The following TOP2B variants were observed in gnomAD, a reference collection of about 807,000 sequenced individuals.
TOP2B encodes the protein DNA topoisomerase II beta.
A neutral mutation model predicts 193.5 loss-of-function variants in TOP2B; 51 were observed. The observed-to-expected ratio is 0.26, with a 90% CI of 0.21 to 0.33. The LOEUF is 0.33. Ranked by LOEUF, TOP2B falls within the 10% of genes least tolerant of loss-of-function variation. The probability of loss-of-function intolerance (pLI) is 1.00; values close to 1 mark genes in which losing one functional copy is unlikely to be tolerated. For synonymous variants in TOP2B, 634 were observed against 635.7 expected, an observed-to-expected ratio of 1.00 and a Z score of 0.04; for missense variants, 1,378 against 1,909.3, an observed-to-expected ratio of 0.72 and a Z score of 5.19.
At position 25,630,165 on chromosome 3, in the gene TOP2B, A is replaced by G; in HGVS notation, c.1564-11T>C. 1 of 1,538,932 alleles carries G rather than the reference A, an allele frequency of 6.5e-7. No individual in the cohort carries two copies. The highest frequency in any genetic ancestry group is 8.7e-7 in the Non-Finnish European group (1 of 1,144,266). On this transcript the variant is annotated splice_polypyrimidine_tract_variant and intron_variant, in intron 12 of 35. Coordinates refer to ENST00000264331, the MANE Select transcript of TOP2B (RefSeq NM_001330700.2). ...AGCATTTTCCATGATCTGTTCAAAA[A>G]GGAAAAGCACTGAGAGTAGTTTGAA...
chr3:25,598,144 CTGTATG>C lies in TOP2B; in HGVS notation c.*157_*162del, dbSNP rs1246558736. 3.0e-6 allele frequency: 2 copies of C among 656,716 alleles called. No individual in the cohort carries two copies. The highest frequency in any genetic ancestry group is 2.4e-5 in the South Asian group (1 of 41,068). 40.7% of individuals were successfully genotyped at this position (656,716 alleles called of 1,614,324 possible). On this transcript the variant is annotated 3_prime_UTR_variant, in exon 36 of 36. Transcript: ENST00000264331. ...TCAATGAGTAAAAAAGAGCATAAAA[CTGTATG>C]TGTAAGAACAAAATGTTAAAAGGCC...
At chr3:25,664,202 C>A in intron 1 of TOP2B, 27 bp downstream of exon 1, 1 of 1,538,792 alleles carries the variant, frequency 6.5e-7, no homozygotes, top group Non-Finnish European at 8.7e-7. Context: ...ACAATGCAGC[C>A]GCCCGTCCCG....
At position 25,618,699 on chromosome 3, in the gene TOP2B, G is replaced by A. The variant is rs1702577622; in HGVS notation, c.3214C>T (p.Gln1072Ter). 1 of 1,613,170 alleles carries A rather than the reference G, an allele frequency of 6.2e-7. No homozygotes were observed. The highest frequency in any genetic ancestry group is 8.5e-7 in the Non-Finnish European group (1 of 1,179,574). ...ATCTTCTCTAAAATGAAACGGGCTTGATTGTTAAGCTTTGTAGATTCTGCT... is the reference window on the plus strand; with the variant it reads ...ATCTTCTCTAAAATGAAACGGGCTTAATTGTTAAGCTTTGTAGATTCTGCT... ...LGAESTKLNN[Q>*]ARFILEKIQG... is the part of the protein sequence containing the mutation. Residue 1072 changes from glutamine to a stop codon, truncating the protein, a stop_gained, in exon 24 of 36, where the codon CAA becomes TAA. Coordinates refer to ENST00000264331, the MANE Select transcript of TOP2B (RefSeq NM_001330700.2). LOFTEE classifies it high-confidence loss of function.
In TOP2B at chr3:25,632,595, A is replaced by G. The variant is rs1258582336; in HGVS notation, c.1129-12T>C. On this transcript the variant is annotated splice_polypyrimidine_tract_variant and intron_variant, in intron 9 of 35. Coordinates refer to ENST00000264331, the MANE Select transcript of TOP2B (RefSeq NM_001330700.2). ...ATATGGTTTTTTACCTGTTGAAAAC[A>G]TACCCAAAAAAGTCAATATCAGAGC... is the stretch of plus-strand genomic sequence containing the variant. 1.2e-6 allele frequency: 2 copies of G among 1,600,346 alleles called. No homozygotes were observed. Among genetic ancestry groups the G allele is most frequent in the Non-Finnish European group, 1.7e-6 (2 of 1,176,364 alleles).
chr3:25,630,012 G>T lies in TOP2B; in HGVS notation c.1689+17C>A, dbSNP rs1371430613. 3 of 1,566,366 alleles carry T rather than the reference G, an allele frequency of 1.9e-6. No homozygotes were observed. Among genetic ancestry groups the T allele is most frequent in the Non-Finnish European group, 8.6e-7 (1 of 1,160,464 alleles). ...AGAAGACATGAATTTGAAATATGTG[G>T]TAACTTTAAAACCAACCTGATCGGT... is the stretch of plus-strand genomic sequence containing the variant. On this transcript the variant is annotated intron_variant, in intron 13 of 35. Coordinates refer to ENST00000264331, the MANE Select transcript of TOP2B (RefSeq NM_001330700.2).
At chr3:25,640,815 T>C (rs569272444) in intron 4 of TOP2B, among the ~76,000 whole-genome samples, 109 of 146,674 alleles carry the variant, frequency 7.4e-4, no homozygotes, top group African/African-American at 2.4e-3. Context: ...TAGAGTACAG[T>C]GGCACAATCA....
In TOP2B at chr3:25,628,943, T is replaced by G. The variant is rs756336705; in HGVS notation, c.1810A>C (p.Asn604His). The G allele has an allele frequency of 5.8e-5, 93 of 1,598,122 alleles. No homozygotes were observed. In the Admixed American group the frequency reaches 1.6e-3, roughly 27 times the overall value. ...FITPIVKASK[N>H]KQELSFYSIP... Reference sequence around the variant, plus strand: ...CTGTAGAAGGAAAGTTCCTGCTTATTTTTGCTTGCCTTAAATTAATTAAAA... The same window carrying G: ...CTGTAGAAGGAAAGTTCCTGCTTATGTTTGCTTGCCTTAAATTAATTAAAA... Residue 604 changes from asparagine (N) to histidine (H), a missense_variant, in exon 15 of 36, where the codon AAT (asparagine) becomes CAT (histidine). Physicochemically the swap from Asn to His is moderately conservative, Grantham distance 68. This residue lies in a region of TOP2B where 379 missense variants were observed against 615.1 expected (regional missense o/e 0.62). Transcript: ENST00000264331.
At chr3:25,653,935 T>C (rs1016780130) in intron 1 of TOP2B, among the ~76,000 whole-genome samples, 5 of 151,852 alleles carry the variant, frequency 3.3e-5, no homozygotes, top group Admixed American at 3.3e-4. Context: ...CATAACAAAC[T>C]AGAAATAGAA....
At chr3:25,609,416 T>A (rs1702314169) in intron 29 of TOP2B, 72 bp from the exon 30 acceptor site, 13 of 1,468,680 alleles carry the variant, frequency 8.9e-6, no homozygotes, top group East Asian at 7.4e-5. Context: ...ATAAAATTGT[T>A]ATAATGAAAA....
chr3:25,610,636 C>CA (rs1436724416), intron 28 of TOP2B, among the ~76,000 whole-genome samples: 1 of 152,194 alleles, frequency 6.6e-6, no homozygotes, highest in Non-Finnish European at 1.5e-5. Context: ...CACACAGAGG[C>CA]ATACAGGTGC....
intron 21 of TOP2B, among the ~76,000 whole-genome samples, chr3:25,621,037 G>C (rs1702645622): frequency 1.3e-5 from 2 of 151,974 alleles, no homozygotes; most frequent in Admixed American, 6.6e-5. Flanking sequence ...AGTCTTCCTA[G>C]AACAGTACTT....
At chr3:25,654,573 C>CA (rs1021295928) in intron 1 of TOP2B, among the ~76,000 whole-genome samples, 94 of 150,910 alleles carry the variant, frequency 6.2e-4, no homozygotes, top group African/African-American at 2.1e-3. Context: ...TGCAGAAATA[C>CA]AAAAAAAAAT....
At chr3:25,601,436 C>T (rs865927526) in intron 33 of TOP2B, among the ~76,000 whole-genome samples, 1 of 152,012 alleles carries the variant, frequency 6.6e-6, no homozygotes, top group Admixed American at 6.6e-5. Context: ...CTGGCCAATA[C>T]GGTAAAACCC....
At chr3:25,608,522 G>A (rs1349309467) in intron 30 of TOP2B, among the ~76,000 whole-genome samples, 1 of 152,084 alleles carries the variant, frequency 6.6e-6, no homozygotes, top group Non-Finnish European at 1.5e-5. Flanking sequence ...TTTAAGGTCT[G>A]ATATATAATT....
chr3:25,641,954 T>A (rs962291384), intron 4 of TOP2B, among the ~76,000 whole-genome samples: 3 of 152,088 alleles, frequency 2.0e-5, no homozygotes, highest in Admixed American at 6.5e-5. Context: ...ATGTCATAAA[T>A]AATGGAAAAC....
chr3:25,620,625 G>GA (rs1702633649), intron 22 of TOP2B, 57 bp downstream of exon 22: 36 of 1,546,552 alleles, frequency 2.3e-5, no homozygotes, highest in Non-Finnish European at 3.1e-5. Context: ...ATCCTTACCA[G>GA]AAAAAATTGC....
chr3:25,648,905 T>C (rs987633535), intron 1 of TOP2B, among the ~76,000 whole-genome samples: 12 of 151,798 alleles, frequency 7.9e-5, no homozygotes, highest in Non-Finnish European at 1.8e-4. Context: ...CCTAAAGAAA[T>C]GGAAATATAT....
chr3:25,654,049 C>A (rs1703675463), intron 1 of TOP2B, among the ~76,000 whole-genome samples: 1 of 152,092 alleles, frequency 6.6e-6, no homozygotes, highest in South Asian at 2.1e-4. Flanking sequence ...TCAGGAGGAA[C>A]AAGGCAAGGA....
intron 21 of TOP2B, among the ~76,000 whole-genome samples, chr3:25,622,896 C>A (rs1049505829): frequency 6.6e-6 from 1 of 152,200 alleles, no homozygotes; most frequent in African/African-American, 2.4e-5. Context: ...CCCACCTCGG[C>A]CTCCAAAGTG....
Sources: gnomAD v4.1 joint callset for allele counts (sites outside exome capture counted in the v4.1 genomes callset) on GRCh38, gnomAD v4.1.1 for gene constraint, gnomAD v4.1.1 regional missense constraint, MANE v1.5 for transcripts, NCBI Gene and HGNC (gene_info 2026-07-23, HGNC 2026-07-21) for gene names.